EPHA5: variants seen among roughly 807,000 people sequenced by gnomAD.
EPHA5 encodes the protein ephrin type-A receptor 5.
In EPHA5, 60 loss-of-function variants were observed where a neutral mutation model predicts 105.0. The ratio of observed to expected loss-of-function variants is 0.57; its 90% confidence interval spans 0.46 to 0.71. The LOEUF is 0.71. EPHA5 is among the 30% of genes least tolerant of loss of function. The pLI, the probability that EPHA5 is intolerant of heterozygous loss-of-function variation, is 0.00. For synonymous variants in EPHA5, 513 were observed against 449.1 expected, an observed-to-expected ratio of 1.14 and a Z score of -1.80; for missense variants, 1,218 against 1,274.7, an observed-to-expected ratio of 0.96 and a Z score of 0.68.
intron 1 of EPHA5, among the ~76,000 whole-genome samples, chr4:65,666,454 G>A (rs1333840535): frequency 6.6e-6 from 1 of 152,150 alleles, no homozygotes; most frequent in Admixed American, 6.5e-5. Context: ...AAAAGTGGCA[G>A]CTACTGAATA....
intron 3 of EPHA5, among the ~76,000 whole-genome samples, chr4:65,515,375 C>T (rs1054348133): frequency 1.2e-4 from 18 of 152,076 alleles, no homozygotes; most frequent in African/African-American, 2.9e-4. Context: ...ACCAATTCTA[C>T]GAATGAAGTC....
At chr4:65,441,747 T>C (rs546145663) in intron 5 of EPHA5, among the ~76,000 whole-genome samples, 5 of 152,164 alleles carry the variant, frequency 3.3e-5, no homozygotes, top group Non-Finnish European at 7.4e-5. Context: ...AAAAAAATGG[T>C]TTGGAACATT....
chr4:65,568,404 A>G (rs1368651053), intron 3 of EPHA5, among the ~76,000 whole-genome samples: 1 of 151,502 alleles, frequency 6.6e-6, no homozygotes, highest in Non-Finnish European at 1.5e-5. Flanking sequence ...GATATAAAAA[A>G]ATTAGATTTA....
chr4:65,349,598 T>C (rs1441501496), intron 13 of EPHA5, among the ~76,000 whole-genome samples: 1 of 152,110 alleles, frequency 6.6e-6, no homozygotes, highest in Non-Finnish European at 1.5e-5. Context: ...AGGACTTAAA[T>C]TGCTGTTTAT....
intron 8 of EPHA5, among the ~76,000 whole-genome samples, chr4:65,371,622 C>T (rs1171982462): frequency 5.9e-5 from 9 of 151,842 alleles, no homozygotes; most frequent in Non-Finnish European, 1.0e-4. Context: ...ATATGAATGT[C>T]AAGAATTTCA....
intron 3 of EPHA5, among the ~76,000 whole-genome samples, chr4:65,565,827 ACTGTTT>A (rs1739478176): frequency 6.6e-6 from 1 of 151,728 alleles, no homozygotes; most frequent in Non-Finnish European, 1.5e-5. Context: ...TTAAATTAAA[ACTGTTT>A]CTAAGTTTAT....
intron 5 of EPHA5, among the ~76,000 whole-genome samples, chr4:65,422,379 T>G (rs570643395): frequency 6.6e-6 from 1 of 152,222 alleles, no homozygotes; most frequent in African/African-American, 2.4e-5. Context: ...TAACCAGGTT[T>G]GTCAGCATCA....
At chr4:65,563,616 G>A (rs1427078170) in intron 3 of EPHA5, among the ~76,000 whole-genome samples, 1 of 151,964 alleles carries the variant, frequency 6.6e-6, no homozygotes, top group African/African-American at 2.4e-5. Context: ...AGAAGAATCA[G>A]CATAAATCAT....
chr4:65,511,776 T>C (rs1046005892), intron 3 of EPHA5, among the ~76,000 whole-genome samples: 2 of 152,206 alleles, frequency 1.3e-5, no homozygotes, highest in African/African-American at 2.4e-5. Context: ...CTCAGACTAA[T>C]ACTTTGGTTT....
At chr4:65,396,239 A>C (rs929471700) in intron 8 of EPHA5, among the ~76,000 whole-genome samples, 2 of 152,094 alleles carry the variant, frequency 1.3e-5, no homozygotes, top group East Asian at 3.9e-4. Context: ...TGACACACCA[A>C]CCCCCTGCTA....
At chr4:65,452,581 C>CAAA (rs34579426) in intron 5 of EPHA5, among the ~76,000 whole-genome samples, 1,463 of 139,884 alleles carry the variant, frequency 0.01, 26 homozygotes, top group African/African-American at 0.037. Flanking sequence ...GCTAAAATAC[C>CAAA]AAAAAAAAAA....
intron 2 of EPHA5, among the ~76,000 whole-genome samples, chr4:65,609,241 A>C (rs147476582): frequency 3.9e-5 from 6 of 152,344 alleles, no homozygotes; most frequent in African/African-American, 7.2e-5. Context: ...ATCAGCTTTC[A>C]GCAAAAATCA....
intron 5 of EPHA5, among the ~76,000 whole-genome samples, chr4:65,485,729 A>C (rs753212871): frequency 9.2e-5 from 14 of 152,162 alleles, no homozygotes; most frequent in Non-Finnish European, 1.6e-4. Flanking sequence ...CATTGTTGTC[A>C]CACGCACAGA....
At chr4:65,324,261 G>T in intron 16 of EPHA5, 42 bp from the exon 17 acceptor site, 1 of 1,350,590 alleles carries the variant, frequency 7.4e-7, no homozygotes, top group Non-Finnish European at 1.1e-6. Context: ...GATTCAATTT[G>T]TAGCACACCT....
At position 65,420,554 on chromosome 4, in the gene EPHA5, C is replaced by T. The variant is rs771686308; in HGVS notation, c.1414G>A (p.Val472Ile). Residue 472 changes from valine (V) to isoleucine (I), a missense_variant, in exon 6 of 17, where the codon GTC (valine) becomes ATC (isoleucine). Transcript: ENST00000613740. The part of the protein sequence containing the change: ...VTTNQAAPSP[V>I]TNVKKGKIAK... The stretch of plus-strand genomic sequence containing the variant: ...ATTTTCCCTTTTTTCACATTGGTGA[C>T]TGGAGATGGAGCTGCAAAATAGTTT... 1.5e-5 allele frequency: 24 copies of T among 1,612,508 alleles called. No homozygotes were observed. The highest frequency in any genetic ancestry group is 2.0e-5 in the Non-Finnish European group (24 of 1,179,336).
intron 5 of EPHA5, among the ~76,000 whole-genome samples, chr4:65,476,117 AGAGAGAGAGAGTGTGT>A (rs1413101621): frequency 7.8e-6 from 1 of 127,862 alleles, no homozygotes; most frequent in East Asian, 2.2e-4. Context: ...AGAGAGAGAG[AGAGAGAGAGAGTGTGT>A]GTGTGTGTGT....
At chr4:65,531,898 A>G (rs1735839491) in intron 3 of EPHA5, among the ~76,000 whole-genome samples, 2 of 152,230 alleles carry the variant, frequency 1.3e-5, no homozygotes. Flanking sequence ...AAGCAAAACT[A>G]GTTCTAATGA....
At chr4:65,432,562 T>A (rs1286169267) in intron 5 of EPHA5, among the ~76,000 whole-genome samples, 1 of 151,680 alleles carries the variant, frequency 6.6e-6, no homozygotes, top group Non-Finnish European at 1.5e-5. Context: ...TTTGTTCATG[T>A]TTTTGGTTTT....
intron 8 of EPHA5, among the ~76,000 whole-genome samples, chr4:65,401,984 C>G (rs1721885031): frequency 6.6e-6 from 1 of 151,950 alleles, no homozygotes; most frequent in African/African-American, 2.4e-5. Flanking sequence ...CAAATCTCAT[C>G]TTGCATTATA....
Sources: gnomAD v4.1 joint callset for allele counts (sites outside exome capture counted in the v4.1 genomes callset) on GRCh38, gnomAD v4.1.1 for gene constraint, MANE v1.5 for transcripts, NCBI Gene and HGNC (gene_info 2026-07-23, HGNC 2026-07-21) for gene names.